THSD7A: variants seen among roughly 807,000 people sequenced by gnomAD.
THSD7A encodes the protein thrombospondin type-1 domain-containing protein 7A.
THSD7A carries 96 observed loss-of-function variants against 231.3 expected under a neutral mutation model. The observed-to-expected ratio is 0.41, with a 90% CI of 0.35 to 0.49. THSD7A has a LOEUF of 0.49. THSD7A is among the 20% of genes least tolerant of loss of function. THSD7A has a pLI of 0.05. For synonymous variants in THSD7A, 940 were observed against 743.3 expected (o/e 1.26, Z -4.30); for missense variants, 2,290 against 2,070.2 (o/e 1.11, Z -2.06).
In THSD7A at chr7:11,524,059, T is replaced by C. The variant is rs905586127; in HGVS notation, c.1822+17360A>G. Among the ~76,000 whole-genome samples the C allele has an allele frequency of 2.0e-5, 3 of 152,184 alleles. No individual in the cohort carries two copies. The South Asian group carries it at 6.2e-4, about 31-fold the overall frequency. On this transcript the variant is annotated intron_variant, in intron 6 of 27. Coordinates refer to ENST00000423059, the MANE Select transcript of THSD7A (RefSeq NM_015204.3). The stretch of plus-strand genomic sequence containing the variant: ...ACTGGGTGCTTTTAGGTTCTTTTTA[T>C]TTATTTTAGTATGCAGATGTGGAAA...
At chr7:11,569,219 GAAAT>G (rs1296091865) in intron 4 of THSD7A, among the ~76,000 whole-genome samples, 1 of 152,108 alleles carries the variant, frequency 6.6e-6, no homozygotes, top group Non-Finnish European at 1.5e-5. Context: ...CACAGTAAGG[GAAAT>G]AATCAACAGA....
intron 1 of THSD7A, among the ~76,000 whole-genome samples, chr7:11,686,640 A>G (rs1780063051): frequency 6.6e-6 from 1 of 151,902 alleles, no homozygotes; most frequent in African/African-American, 2.4e-5. Flanking sequence ...ACACTGTGGC[A>G]TACTACACAG....
At chr7:11,420,617 C>G (rs1012360019) in intron 16 of THSD7A, among the ~76,000 whole-genome samples, 1 of 152,204 alleles carries the variant, frequency 6.6e-6, no homozygotes, top group Non-Finnish European at 1.5e-5. Flanking sequence ...TGGGCCCCCC[C>G]ACACAGAGTC....
At chr7:11,820,995 T>C (rs1217102360) in intron 1 of THSD7A, 13 of 1,041,206 alleles carry the variant, frequency 1.2e-5, no homozygotes, top group Non-Finnish European at 1.6e-5. Context: ...ATCATCTCTG[T>C]ATTTTCCCTC....
chr7:11,751,599 ATCT>A (rs1352549460), intron 1 of THSD7A, among the ~76,000 whole-genome samples: 1 of 151,974 alleles, frequency 6.6e-6, no homozygotes, highest in Non-Finnish European at 1.5e-5. Flanking sequence ...CCCTGCTCAA[ATCT>A]TCTTTGCAGG....
chr7:11,815,162 G>C (rs1343725035), intron 1 of THSD7A, among the ~76,000 whole-genome samples: 1 of 151,140 alleles, frequency 6.6e-6, no homozygotes, highest in Non-Finnish European at 1.5e-5. Context: ...TGATATGATT[G>C]TCAAAGGCAA....
chr7:11,715,850 G>A (rs1781117858), intron 1 of THSD7A, among the ~76,000 whole-genome samples: 1 of 151,478 alleles, frequency 6.6e-6, no homozygotes, highest in African/African-American at 2.4e-5. Flanking sequence ...TTTATTACAT[G>A]AAAGCCAGTT....
At chr7:11,533,635 C>A (rs1447250584) in intron 6 of THSD7A, among the ~76,000 whole-genome samples, 1 of 152,082 alleles carries the variant, frequency 6.6e-6, no homozygotes, top group African/African-American at 2.4e-5. Context: ...CAAATAAACA[C>A]AGGAAGATAA....
chr7:11,598,468 G>A (rs1280629397), intron 2 of THSD7A, among the ~76,000 whole-genome samples: 1 of 152,190 alleles, frequency 6.6e-6, no homozygotes, highest in Non-Finnish European at 1.5e-5. Flanking sequence ...AGGGGCCATA[G>A]TGGCACAGAT....
At chr7:11,565,915 A>G (rs1483436427) in intron 4 of THSD7A, among the ~76,000 whole-genome samples, 1 of 152,112 alleles carries the variant, frequency 6.6e-6, no homozygotes, top group African/African-American at 2.4e-5. Context: ...TCTGAATTAA[A>G]CTGCTGGGTT....
chr7:11,557,022 G>T (rs1319002639), intron 4 of THSD7A, among the ~76,000 whole-genome samples: 1 of 151,940 alleles, frequency 6.6e-6, no homozygotes, highest in Admixed American at 6.6e-5. Context: ...GAAGTGTTCA[G>T]CCATTATTTC....
chr7:11,481,704 A>T, intron 7 of THSD7A, 84 bp downstream of exon 7: 1 of 1,365,014 alleles, frequency 7.3e-7, no homozygotes, highest in East Asian at 2.4e-5. Flanking sequence ...CTTTCATAGA[A>T]TATCATCTTT....
intron 1 of THSD7A, among the ~76,000 whole-genome samples, chr7:11,796,435 T>C (rs1784128362): frequency 6.6e-6 from 1 of 151,946 alleles, no homozygotes; most frequent in South Asian, 2.1e-4. Flanking sequence ...AATCCATTGC[T>C]ATTGTAATTG....
chr7:11,622,174 A>G (rs1299001711), intron 2 of THSD7A, among the ~76,000 whole-genome samples: 3 of 152,064 alleles, frequency 2.0e-5, no homozygotes, highest in African/African-American at 7.2e-5. Context: ...AGGTACATAT[A>G]CCTAAAAATG....
At chr7:11,521,474 TA>T (rs1180981410) in intron 6 of THSD7A, among the ~76,000 whole-genome samples, 6 of 142,824 alleles carry the variant, frequency 4.2e-5, no homozygotes, top group Admixed American at 2.8e-4. Context: ...TTTATTTTTT[TA>T]TTTTATTTAT....
rs200125669 is a variant in THSD7A at position 11,424,821 on chromosome 7, C to T, written c.3258G>A (p.Glu1086=). ...LDHVNQAQVY[E]VVPCHSDCNQ... is the part of the protein sequence containing the mutation. ...TGCAGTCACTGTGGCATGGGACAACCTCATACACCTGAAACACACATGGTT... is the reference window on the plus strand; with the variant it reads ...TGCAGTCACTGTGGCATGGGACAACTTCATACACCTGAAACACACATGGTT... Residue 1086 remains glutamate, a synonymous_variant, in exon 16 of 28, where the codon GAG becomes GAA. Transcript: ENST00000423059. The T allele has an allele frequency of 3.8e-5, 61 of 1,613,986 alleles. No individual in the cohort carries two copies. In the African/African-American group the frequency reaches 6.0e-4, roughly 16 times the overall value.
intron 1 of THSD7A, among the ~76,000 whole-genome samples, chr7:11,761,423 A>G (rs761634925): frequency 1.1e-4 from 16 of 152,118 alleles, no homozygotes; most frequent in Non-Finnish European, 2.1e-4. Context: ...GCTTTATTTC[A>G]TAAAGATGTT....
intron 6 of THSD7A, among the ~76,000 whole-genome samples, chr7:11,539,030 T>C (rs963933838): frequency 2.0e-5 from 3 of 152,204 alleles, no homozygotes; most frequent in African/African-American, 7.2e-5. Context: ...TTCATGCCCC[T>C]AGTCGAGCTT....
chr7:11,471,579 C>T (rs926056254), intron 8 of THSD7A, among the ~76,000 whole-genome samples: 3 of 151,638 alleles, frequency 2.0e-5, no homozygotes, highest in Admixed American at 2.0e-4. Flanking sequence ...ACTTTAAAAC[C>T]CCAGTGTTTA....
Sources: gnomAD v4.1 joint callset for allele counts (sites outside exome capture counted in the v4.1 genomes callset) on GRCh38, gnomAD v4.1.1 for gene constraint, MANE v1.5 for transcripts, NCBI Gene and HGNC (gene_info 2026-07-23, HGNC 2026-07-21) for gene names.